WWOX: variants seen among roughly 807,000 people sequenced by gnomAD.
WWOX encodes WW domain containing oxidoreductase, also known as WW domain-containing oxidoreductase.
In WWOX, 69 loss-of-function variants were observed where a neutral mutation model predicts 46.2. The ratio of observed to expected loss-of-function variants is 1.49; its 90% CI spans 1.23 to 1.82. WWOX has a LOEUF of 1.82. WWOX is among the 40% of genes most tolerant of loss of function. The pLI is 0.00. For missense variants in WWOX, 919 were observed against 542.6 expected, an observed-to-expected ratio of 1.69 and a Z score of -6.89; for synonymous variants, 359 against 202.6, an observed-to-expected ratio of 1.77 and a Z score of -6.56.
chr16:79,167,522 G>A (rs1319148305), intron 8 of WWOX, among the ~76,000 whole-genome samples: 1 of 152,106 alleles, frequency 6.6e-6, no homozygotes, highest in Non-Finnish European at 1.5e-5. Flanking sequence ...ACCTGCACTA[G>A]ATGTTTTGCT....
At position 79,051,282 on chromosome 16, in the gene WWOX, G is replaced by A. The variant is rs914304534; in HGVS notation, c.1057-160326G>A. ...GACTCACCAATAATTTTTGCATCATGCGCAGGAGACCCTACTAAAACCTAA... is the reference window on the plus strand; with the variant it reads ...GACTCACCAATAATTTTTGCATCATACGCAGGAGACCCTACTAAAACCTAA... On this transcript the variant is annotated intron_variant, in intron 8 of 8. Transcript: ENST00000566780. Among the ~76,000 whole-genome samples, 5 of 152,168 alleles carry A rather than the reference G, an allele frequency of 3.3e-5. No individual in the cohort carries two copies. In the South Asian group the frequency reaches 1.0e-3, roughly 31 times the overall value.
At chr16:78,774,443 C>G (rs955854601) in intron 8 of WWOX, among the ~76,000 whole-genome samples, 2 of 151,924 alleles carry the variant, frequency 1.3e-5, no homozygotes, top group Non-Finnish European at 2.9e-5. Context: ...TGTTGGAATC[C>G]ACGTTGGTGT....
chr16:78,687,959 G>C (rs188405371), intron 8 of WWOX, among the ~76,000 whole-genome samples: 37 of 152,296 alleles, frequency 2.4e-4, no homozygotes, highest in African/African-American at 8.2e-4. Flanking sequence ...AGTGAGGTCA[G>C]ATCTAGTGTG....
intron 8 of WWOX, among the ~76,000 whole-genome samples, chr16:78,840,849 C>A (rs980587194): frequency 6.6e-6 from 1 of 151,842 alleles, no homozygotes; most frequent in Non-Finnish European, 1.5e-5. Context: ...TGGTAATCCC[C>A]CAGGGGATGC....
intron 8 of WWOX, among the ~76,000 whole-genome samples, chr16:78,748,811 C>A (rs1390487873): frequency 6.6e-6 from 1 of 152,252 alleles, no homozygotes; most frequent in Non-Finnish European, 1.5e-5. Context: ...ACGGCAAACA[C>A]AGATGCTGCC....
chr16:78,470,028 G>A (rs778060769), intron 8 of WWOX, among the ~76,000 whole-genome samples: 1 of 152,206 alleles, frequency 6.6e-6, no homozygotes, highest in African/African-American at 2.4e-5. Context: ...AAAGATAGTA[G>A]AAGTTTATTT....
intron 4 of WWOX, among the ~76,000 whole-genome samples, chr16:78,151,772 T>G (rs750716447): frequency 6.6e-6 from 1 of 152,226 alleles, no homozygotes; most frequent in Non-Finnish European, 1.5e-5. Context: ...CATTATGAAA[T>G]GCACAAGAAG....
At chr16:78,910,895 C>A (rs989645003) in intron 8 of WWOX, among the ~76,000 whole-genome samples, 4 of 152,006 alleles carry the variant, frequency 2.6e-5, no homozygotes, top group African/African-American at 9.7e-5. Context: ...CAAACCATAT[C>A]AGATGCAAAG....
At chr16:79,126,695 A>G (rs2049763849) in intron 8 of WWOX, among the ~76,000 whole-genome samples, 1 of 152,192 alleles carries the variant, frequency 6.6e-6, no homozygotes, top group Non-Finnish European at 1.5e-5. Flanking sequence ...GGGAGCAGTG[A>G]TGGAGCACAG....
intron 8 of WWOX, among the ~76,000 whole-genome samples, chr16:78,974,499 T>G (rs1434956314): frequency 6.6e-6 from 1 of 152,226 alleles, no homozygotes; most frequent in South Asian, 2.1e-4. Flanking sequence ...AGTTATGATG[T>G]GATGAATCCG....
intron 5 of WWOX, among the ~76,000 whole-genome samples, chr16:78,348,806 A>G (rs2081137097): frequency 8.3e-6 from 1 of 120,860 alleles, no homozygotes. Flanking sequence ...TCAGGTAGCT[A>G]TAAGCAAAAT....
intron 8 of WWOX, among the ~76,000 whole-genome samples, chr16:78,472,776 T>C (rs1397818645): frequency 7.9e-6 from 1 of 126,478 alleles, no homozygotes; most frequent in Non-Finnish European, 1.6e-5. Context: ...GCCATTGTTC[T>C]CCAGCCTGGG....
intron 8 of WWOX, among the ~76,000 whole-genome samples, chr16:78,731,233 G>C (rs942312261): frequency 6.6e-6 from 1 of 152,266 alleles, no homozygotes; most frequent in African/African-American, 2.4e-5. Flanking sequence ...CCTGGTACTT[G>C]ACATGGCAGT....
At chr16:78,489,835 A>G (rs2084736137) in intron 8 of WWOX, among the ~76,000 whole-genome samples, 1 of 152,168 alleles carries the variant, frequency 6.6e-6, no homozygotes, top group Non-Finnish European at 1.5e-5. Flanking sequence ...AAAGCTGCTG[A>G]TAAGCAAAGG....
At chr16:78,801,319 G>T (rs1342627611) in intron 8 of WWOX, among the ~76,000 whole-genome samples, 1 of 152,074 alleles carries the variant, frequency 6.6e-6, no homozygotes, top group African/African-American at 2.4e-5. Flanking sequence ...AGACCACCCT[G>T]GCCAACATGG....
rs547236644 is a variant in WWOX at position 78,433,777 on chromosome 16, C to CTTTT, written c.1056+1052_1056+1055dup. 9.5e-4 allele frequency among the ~76,000 whole-genome samples: 80 copies of CTTTT among 84,406 alleles called. 9 individuals carry two copies. Among genetic ancestry groups the CTTTT allele is most frequent in the Non-Finnish European group, 1.2e-3 (52 of 44,920 alleles). The allele number at this position is 84,406 out of a possible 152,430, so 55.4% of individuals were successfully genotyped here. A position where few individuals can be genotyped will look rare whatever the true frequency, so the allele number is the denominator to read the frequency against. On this transcript the variant is annotated intron_variant, in intron 8 of 8. Coordinates refer to ENST00000566780, the MANE Select transcript of WWOX (RefSeq NM_016373.4). ...CCTTAACCTTCGTATTTGGGGATGA[C>CTTTT]TTTTTTTTTTTTTTTTTTTTTTTTT...
chr16:79,149,331 C>G (rs139667826), intron 8 of WWOX, among the ~76,000 whole-genome samples: 124 of 152,172 alleles, frequency 8.1e-4, no homozygotes, highest in African/African-American at 2.9e-3. Flanking sequence ...ATATGGTGGA[C>G]TATATTGATT....
chr16:78,158,158 A>G (rs1384398234), intron 4 of WWOX, among the ~76,000 whole-genome samples: 2 of 152,180 alleles, frequency 1.3e-5, no homozygotes, highest in Non-Finnish European at 2.9e-5. Context: ...TTCTATGAAG[A>G]TTAGGCCTGT....
At chr16:79,103,850 A>G (rs913091076) in intron 8 of WWOX, among the ~76,000 whole-genome samples, 9 of 152,124 alleles carry the variant, frequency 5.9e-5, no homozygotes, top group Non-Finnish European at 1.0e-4. Context: ...ACGTTTCTAC[A>G]CATCTGCCTG....
Sources: gnomAD v4.1 joint callset for allele counts (sites outside exome capture counted in the v4.1 genomes callset) on GRCh38, gnomAD v4.1.1 for gene constraint, MANE v1.5 for transcripts, NCBI Gene and HGNC (gene_info 2026-07-23, HGNC 2026-07-21) for gene names.